CACNA1D: variants seen among roughly 807,000 people sequenced by gnomAD.
The protein encoded by CACNA1D is voltage-dependent L-type calcium channel subunit alpha-1D.
A neutral mutation model predicts 257.1 loss-of-function variants in CACNA1D; 55 were observed. That is an observed-to-expected ratio of 0.21 (90% CI 0.17 to 0.27). The LOEUF (loss-of-function observed/expected upper bound fraction) is 0.27, where lower values mean the gene tolerates loss of function less well. Among genes scored for constraint, CACNA1D ranks in the 10% least tolerant of loss-of-function variants. The pLI is 1.00. For synonymous variants in CACNA1D, 980 were observed against 1,014.9 expected (o/e 0.97, Z 0.65); for missense variants, 1,876 against 2,784.0 (o/e 0.67, Z 7.34).
Position 53,753,602 on chromosome 3 carries a change from G to A in CACNA1D, c.3706G>A (p.Ala1236Thr). 1 of 1,612,260 alleles carries A rather than the reference G, an allele frequency of 6.2e-7. No homozygotes were observed. The highest frequency in any genetic ancestry group is 1.1e-5 in the South Asian group (1 of 91,036). Residue 1236 changes from alanine (A) to threonine (T), a missense_variant, in exon 29 of 48, where the codon GCC becomes ACC. Ala to Thr is a moderately conservative substitution (Grantham distance 58). This residue lies in a region of CACNA1D where 204 missense variants were observed against 309.4 expected (regional missense o/e 0.66). Coordinates refer to ENST00000350061, the MANE Select transcript of CACNA1D (RefSeq NM_001128840.3). ...HYEQSKMFNDAMDILNMVFTG... is the reference protein window; with the variant it reads ...HYEQSKMFNDTMDILNMVFTG... ...CGAGCAGTCCAAGATGTTCAATGATGCCATGGACATTCTGAACATGGTCTT... is the reference window on the plus strand; with the variant it reads ...CGAGCAGTCCAAGATGTTCAATGATACCATGGACATTCTGAACATGGTCTT...
At chr3:53,557,363 G>T (rs1286408099) in intron 3 of CACNA1D, among the ~76,000 whole-genome samples, 1 of 152,056 alleles carries the variant, frequency 6.6e-6, no homozygotes, top group East Asian at 1.9e-4. Flanking sequence ...GTGTGGTGGT[G>T]CATGCTTGTA....
intron 3 of CACNA1D, among the ~76,000 whole-genome samples, chr3:53,579,167 T>G (rs2093089284): frequency 6.6e-6 from 1 of 152,188 alleles, no homozygotes; most frequent in African/African-American, 2.4e-5. Context: ...GAAGACTGTC[T>G]TAATATTTTT....
rs142065138 is a variant in CACNA1D at position 53,620,541 on chromosome 3, T to G, written c.484-30238T>G. ...TCTTGCGCTCAAAGGATTTCCCCTC[T>G]TGGCTTCCCAAAGTGCTGGGATTAC... On this transcript the variant is annotated intron_variant, in intron 3 of 47. Transcript: ENST00000350061. 1.1e-3 allele frequency among the ~76,000 whole-genome samples: 170 copies of G among 152,286 alleles called. 1 individual carries two copies. The highest frequency in any genetic ancestry group is 3.9e-3 in the African/African-American group (163 of 41,544).
chr3:53,686,376 A>G (rs115054088), intron 8 of CACNA1D, among the ~76,000 whole-genome samples: 2,028 of 152,194 alleles, frequency 0.013, 60 homozygotes, highest in African/African-American at 0.046. Flanking sequence ...CAAAATCTCA[A>G]TACCAAAACT....
intron 43 of CACNA1D, 92 bp from the exon 44 acceptor site, chr3:53,803,331 G>A (rs751203493): frequency 1.8e-5 from 26 of 1,451,616 alleles, no homozygotes; most frequent in South Asian, 4.6e-5. Context: ...AGGAGCACCC[G>A]GGCAGGGTTG....
chr3:53,749,304 C>T lies in CACNA1D; in HGVS notation c.3351C>T (p.Asn1117=), dbSNP rs2108864935. ...LYKAIDSNGE[N]IGPIYNHRVE... is the part of the protein sequence containing the mutation. ...AAGCCATCGACTCGAATGGAGAGAA[C>T]ATCGGCCCAATCTACAACCACCGCG... The change falls in exon 27 of 48, where the codon AAC becomes AAT. Residue 1117 remains asparagine (N), a synonymous_variant. Transcript: ENST00000350061. 6.2e-7 allele frequency: 1 copy of T among 1,614,024 alleles called. No individual in the cohort carries two copies. The highest frequency in any genetic ancestry group is 1.1e-5 in the South Asian group (1 of 91,080).
intron 19 of CACNA1D, among the ~76,000 whole-genome samples, chr3:53,734,866 A>G (rs1412000419): frequency 1.3e-5 from 2 of 152,206 alleles, no homozygotes; most frequent in East Asian, 1.9e-4. Flanking sequence ...GTCACTATAA[A>G]TAGTATGACC....
intron 3 of CACNA1D, among the ~76,000 whole-genome samples, chr3:53,561,016 A>G (rs1316557698): frequency 6.6e-6 from 1 of 152,262 alleles, no homozygotes. Context: ...TAGGTAGGGC[A>G]CAGAGAGAGC....
intron 3 of CACNA1D, among the ~76,000 whole-genome samples, chr3:53,580,396 T>A (rs2093111965): frequency 6.6e-6 from 1 of 152,238 alleles, no homozygotes; most frequent in Non-Finnish European, 1.5e-5. Flanking sequence ...TTACAATGTT[T>A]AGCACAGCGA....
intron 3 of CACNA1D, among the ~76,000 whole-genome samples, chr3:53,589,484 G>T (rs1039257376): frequency 6.6e-6 from 1 of 152,164 alleles, no homozygotes; most frequent in Non-Finnish European, 1.5e-5. Flanking sequence ...ATCAAGGTCG[G>T]CCTTGTCCTA....
chr3:53,780,359 T>G (rs978048996), intron 38 of CACNA1D, among the ~76,000 whole-genome samples: 1 of 152,238 alleles, frequency 6.6e-6, no homozygotes, highest in African/African-American at 2.4e-5. Context: ...TGTTTTGAGT[T>G]GACTCATACT....
intron 3 of CACNA1D, among the ~76,000 whole-genome samples, chr3:53,609,118 T>TC (rs1277652103): frequency 6.6e-6 from 1 of 152,108 alleles, no homozygotes; most frequent in African/African-American, 2.4e-5. Context: ...AGTTAAGAAT[T>TC]CAAGTTATTA....
At chr3:53,674,199 C>T (rs1576311707) in intron 8 of CACNA1D, among the ~76,000 whole-genome samples, 1 of 152,200 alleles carries the variant, frequency 6.6e-6, no homozygotes, top group Non-Finnish European at 1.5e-5. Context: ...TCTATTAGTA[C>T]ATAACCTGGC....
chr3:53,661,605 G>A (rs554413579), intron 5 of CACNA1D, among the ~76,000 whole-genome samples: 12 of 152,338 alleles, frequency 7.9e-5, no homozygotes, highest in African/African-American at 2.9e-4. Context: ...AACCACGACA[G>A]CTTTTTCCCC....
At chr3:53,537,310 G>A (rs1324320314) in intron 3 of CACNA1D, among the ~76,000 whole-genome samples, 1 of 152,096 alleles carries the variant, frequency 6.6e-6, no homozygotes, top group Non-Finnish European at 1.5e-5. Flanking sequence ...AGACAGAAAA[G>A]TGTAATGAAC....
chr3:53,544,289 A>G (rs1350197158), intron 3 of CACNA1D, among the ~76,000 whole-genome samples: 1 of 152,230 alleles, frequency 6.6e-6, no homozygotes, highest in Non-Finnish European at 1.5e-5. Flanking sequence ...CAAATTTTGC[A>G]GCACATATAA....
intron 21 of CACNA1D, 29 bp downstream of exon 21, chr3:53,740,368 C>T (rs768197160): frequency 6.9e-6 from 10 of 1,453,690 alleles, no homozygotes; most frequent in East Asian, 2.3e-5. Context: ...TCTTCACATA[C>T]TCCACAGCAG....
intron 40 of CACNA1D, chr3:53,796,447 C>T (rs1352541811): frequency 2.9e-5 from 13 of 454,068 alleles, no homozygotes; most frequent in Middle Eastern, 3.3e-4. Context: ...CTTGCTGTGG[C>T]GCTGTGAGGG....
At chr3:53,543,971 T>C (rs1179077423) in intron 3 of CACNA1D, among the ~76,000 whole-genome samples, 1 of 152,246 alleles carries the variant, frequency 6.6e-6, no homozygotes, top group Admixed American at 6.5e-5. Context: ...CTTTAATGTT[T>C]CTGTGTGTTT....
Sources: gnomAD v4.1 joint callset for allele counts (sites outside exome capture counted in the v4.1 genomes callset) on GRCh38, gnomAD v4.1.1 for gene constraint, gnomAD v4.1.1 regional missense constraint, MANE v1.5 for transcripts, NCBI Gene and HGNC (gene_info 2026-07-23, HGNC 2026-07-21) for gene names.